The following PARP1 variants were observed in gnomAD, a reference collection of about 807,000 sequenced individuals.
PARP1 encodes the protein poly [ADP-ribose] polymerase 1.
Under a neutral mutation model 118.7 loss-of-function variants are expected in PARP1, and 44 were observed. The observed-to-expected ratio is 0.37, with a 90% CI of 0.29 to 0.48. The LOEUF (loss-of-function observed/expected upper bound fraction) is 0.48. PARP1 is among the 20% of genes least tolerant of loss of function. PARP1 has a pLI of 0.99. For synonymous variants in PARP1, 492 were observed against 483.2 expected, an observed-to-expected ratio of 1.02 and a Z score of -0.24; for missense variants, 1,100 against 1,272.4, an observed-to-expected ratio of 0.86 and a Z score of 2.06.
At chr1:226,373,328 T>G (rs1409020171) in intron 14 of PARP1, among the ~76,000 whole-genome samples, 1 of 152,198 alleles carries the variant, frequency 6.6e-6, no homozygotes, top group East Asian at 1.9e-4. Flanking sequence ...ACAAAGGGAA[T>G]AACCAAATGC....
chr1:226,365,723 C>T (rs966940549), intron 18 of PARP1, among the ~76,000 whole-genome samples: 24 of 150,294 alleles, frequency 1.6e-4, no homozygotes, highest in Non-Finnish European at 2.8e-4. Flanking sequence ...GCCGGGATTG[C>T]ACCACTGCAC....
intron 18 of PARP1, 54 bp downstream of exon 18, chr1:226,365,900 G>T: frequency 1.7e-6 from 2 of 1,168,380 alleles, no homozygotes; most frequent in Non-Finnish European, 2.6e-6. Flanking sequence ...GGAGGAGTGG[G>T]CAGGGAAGAG....
chr1:226,383,106 G>A lies in PARP1; in HGVS notation c.1089C>T (p.Ala363=), dbSNP rs887758593. The A allele has an allele frequency of 9.9e-6, 16 of 1,613,134 alleles. No individual in the cohort carries two copies. In the Admixed American group the frequency reaches 1.2e-4, roughly 12 times the overall value. Residue 363 remains alanine, a synonymous_variant, in exon 8 of 23, where the codon GCC becomes GCT. Transcript: ENST00000366794. ...AGGGCGGAGGCGTGGCCGCCACGGA[G>A]GCGCTGGTTTCTGGGGGGAATATAC... ...QDRIFPPETS[A]SVAATPPPST...
Position 226,383,133 on chromosome 1 carries a change from G to T in PARP1, c.1062C>A (p.Asp354Glu), listed in dbSNP as rs1664652799. 1 of 1,612,754 alleles carries T rather than the reference G, an allele frequency of 6.2e-7. No homozygotes were observed. The highest frequency in any genetic ancestry group is 1.3e-5 in the African/African-American group (1 of 75,038). Reference protein sequence around the residue: ...YLKKLKVKKQDRIFPPETSAS... With the variant: ...YLKKLKVKKQERIFPPETSAS... ...CGCTGGTTTCTGGGGGGAATATACG[G>T]TCCTGTTTTTTAACCTTCAATTTCT... The change falls in exon 8 of 23, where the codon GAC becomes GAA. Residue 354 changes from aspartate (D) to glutamate (E), a missense_variant. Asp to Glu is a conservative substitution (Grantham distance 45). This residue lies in a region of PARP1 where 948 missense variants were observed against 1,031.8 expected (regional missense o/e 0.92). Coordinates refer to ENST00000366794, the MANE Select transcript of PARP1 (RefSeq NM_001618.4).
intron 10 of PARP1, 94 bp from the exon 11 acceptor site, chr1:226,379,735 C>T: frequency 7.6e-7 from 1 of 1,315,128 alleles, no homozygotes; most frequent in Non-Finnish European, 1.1e-6. Context: ...TCATTCCCAT[C>T]ATCTGTCAAC....
At position 226,362,031 on chromosome 1, in the gene PARP1, T is replaced by G; in HGVS notation, c.2901A>C (p.Val967=). 4 of 1,613,984 alleles carry G rather than the reference T, an allele frequency of 2.5e-6. No individual in the cohort carries two copies. Among genetic ancestry groups the G allele is most frequent in the Middle Eastern group, 3.3e-4 (2 of 6,062 alleles). ...DPSANISLDG[V]DVPLGTGISS... ...AAATCCCGGTCCCAAGAGGAACGTC[T>G]ACACCATCCAGACTAATGTTAGCTG... Residue 967 remains valine (V), a synonymous_variant, in exon 22 of 23, where the codon GTA becomes GTC. Coordinates refer to ENST00000366794, the MANE Select transcript of PARP1 (RefSeq NM_001618.4).
intron 2 of PARP1, among the ~76,000 whole-genome samples, chr1:226,401,463 C>T (rs927911310): frequency 2.6e-5 from 4 of 152,164 alleles, no homozygotes; most frequent in African/African-American, 9.7e-5. Context: ...TGTTAAGAAA[C>T]GGGGTGGTAA....
intron 9 of PARP1, among the ~76,000 whole-genome samples, 196 bp from the exon 10 acceptor site, chr1:226,380,360 C>G (rs1038956032): frequency 1.3e-5 from 2 of 152,156 alleles, no homozygotes; most frequent in African/African-American, 4.8e-5. Context: ...TGAGCCAGGG[C>G]AGCCTTCTCC....
chr1:226,392,546 A>T lies in PARP1; in HGVS notation c.287-232T>A, dbSNP rs1198848200. On this transcript the variant is annotated intron_variant, in intron 2 of 22. Transcript: ENST00000366794. Reference sequence around the variant, plus strand: ...AGACTGAGCTCCTTGAAAGAGCAGCATATCAGGGGGTGGTCAGCTGTCTGA... The same window carrying T: ...AGACTGAGCTCCTTGAAAGAGCAGCTTATCAGGGGGTGGTCAGCTGTCTGA... 8.7e-6 allele frequency: 5 copies of T among 573,650 alleles called. No individual in the cohort carries two copies. In the East Asian group the frequency reaches 1.5e-4, roughly 17 times the overall value. 35.5% of individuals were successfully genotyped at this position (573,650 alleles called of 1,614,324 possible).
chr1:226,389,558 A>G (rs1430672757), intron 4 of PARP1, among the ~76,000 whole-genome samples: 4 of 152,222 alleles, frequency 2.6e-5, no homozygotes, highest in Non-Finnish European at 5.9e-5. Context: ...TGTGCTCAAC[A>G]CATTCTGGCA....
intron 16 of PARP1, among the ~76,000 whole-genome samples, chr1:226,367,849 C>A (rs903184526): frequency 6.6e-6 from 1 of 152,168 alleles, no homozygotes; most frequent in Non-Finnish European, 1.5e-5. Flanking sequence ...TCTTTCCTCT[C>A]GTACATGCTG....
At chr1:226,406,813 T>A (rs967803568) in intron 1 of PARP1, among the ~76,000 whole-genome samples, 22 of 152,184 alleles carry the variant, frequency 1.4e-4, no homozygotes, top group African/African-American at 5.3e-4. Flanking sequence ...CACTTGGGTA[T>A]CCACTCGGTA....
chr1:226,407,741 C>T, intron 1 of PARP1, 69 bp downstream of exon 1: 2 of 1,516,964 alleles, frequency 1.3e-6, no homozygotes, highest in South Asian at 1.2e-5. Context: ...CGCCCTCCCC[C>T]AGCCTTCCCG....
At position 226,363,979 on chromosome 1, in the gene PARP1, C is replaced by G. The variant is rs61731502; in HGVS notation, c.2750G>C (p.Gly917Ala). 1 of 1,613,964 alleles carries G rather than the reference C, an allele frequency of 6.2e-7. No homozygotes were observed. The highest frequency in any genetic ancestry group is 1.3e-5 in the African/African-American group (1 of 74,918). Residue 917 changes from glycine to alanine, a missense_variant, in exon 20 of 23, where the codon GGC becomes GCC. Physicochemically the swap from Gly to Ala is moderately conservative, Grantham distance 60. This residue lies in a region of PARP1 where 152 missense variants were observed against 240.6 expected (regional missense o/e 0.63). Coordinates refer to ENST00000366794, the MANE Select transcript of PARP1 (RefSeq NM_001618.4). ...YCHTSQGDPI[G>A]LILLGEVALG... Reference sequence around the variant, plus strand: ...GGCAACTTCTCCCAACAGGATTAAGCCTATTGGGTCTCCCTGAGACGTATG... The same window carrying G: ...GGCAACTTCTCCCAACAGGATTAAGGCTATTGGGTCTCCCTGAGACGTATG...
At chr1:226,372,623 C>T (rs192893) in intron 14 of PARP1, among the ~76,000 whole-genome samples, 281 of 152,236 alleles carry the variant, frequency 1.8e-3, no homozygotes, top group African/African-American at 5.8e-3. Flanking sequence ...TACAATGAGC[C>T]GAGATCGTGC....
intron 14 of PARP1, among the ~76,000 whole-genome samples, chr1:226,372,896 T>C (rs1664415089): frequency 1.3e-5 from 2 of 152,092 alleles, no homozygotes; most frequent in South Asian, 4.1e-4. Flanking sequence ...CCGTCCCTCA[T>C]TCTCAGTGAG....
chr1:226,364,182 C>T (rs1221616312), intron 19 of PARP1, 112 bp from the exon 20 acceptor site: 10 of 1,017,572 alleles, frequency 9.8e-6, no homozygotes, highest in Non-Finnish European at 1.4e-5. Context: ...CAATCCATCA[C>T]TTCTAATTCT....
chr1:226,363,300 C>T, intron 20 of PARP1, 140 bp from the exon 21 acceptor site: 2 of 718,692 alleles, frequency 2.8e-6, no homozygotes, highest in South Asian at 1.5e-5. Flanking sequence ...CTCAGGCTCC[C>T]TCCTGAGTTT....
Position 226,361,391 on chromosome 1 carries a change from G to A in PARP1, c.*69C>T. ...CATCAGCAACTTAGCGGCCAGGTGA[G>A]TTGGTGCAGAAGCGCTTCGGGTGAA... On this transcript the variant is annotated 3_prime_UTR_variant, in exon 23 of 23. Coordinates refer to ENST00000366794, the MANE Select transcript of PARP1 (RefSeq NM_001618.4). The A allele has an allele frequency of 1.0e-6, 1 of 995,622 alleles. No homozygotes were observed. Among genetic ancestry groups the A allele is most frequent in the Non-Finnish European group, 1.6e-6 (1 of 624,190 alleles). The allele number at this position is 995,622 out of a possible 1,614,324, so 61.7% of individuals were successfully genotyped here. A position where few individuals can be genotyped will look rare whatever the true frequency, so the allele number is the denominator to read the frequency against.
Sources: allele counts gnomAD v4.1 joint callset (sites outside exome capture counted in the v4.1 genomes callset), GRCh38; gene constraint gnomAD v4.1.1; regional missense constraint gnomAD v4.1.1; transcripts MANE v1.5; gene names NCBI Gene and HGNC (gene_info 2026-07-23, HGNC 2026-07-21).